ROBO2: variants seen among roughly 807,000 people sequenced by gnomAD.
The protein encoded by ROBO2 is roundabout homolog 2.
ROBO2 carries 53 observed loss-of-function variants against 160.8 expected under a neutral mutation model. The observed-to-expected ratio is 0.33, with a 90% CI of 0.26 to 0.41. The LOEUF (loss-of-function observed/expected upper bound fraction) is 0.41, where lower values mean the gene tolerates loss of function less well. Among genes scored for constraint, ROBO2 ranks in the 10% least tolerant of loss-of-function variants. The pLI is 1.00. For synonymous variants in ROBO2, 664 were observed against 611.7 expected (o/e 1.09, Z -1.26); for missense variants, 1,577 against 1,722.4 (o/e 0.92, Z 1.49).
rs572935190 is a variant in ROBO2 at position 77,557,233 on chromosome 3, A to G, written c.1232-711A>G. Among the ~76,000 whole-genome samples the G allele has an allele frequency of 2.0e-5, 3 of 152,006 alleles. No individual in the cohort carries two copies. The South Asian group carries it at 6.2e-4, about 31-fold the overall frequency. ...TCCAAATGAACACAACAATTGATAT[A>G]CATGTAAACACTGATTTTGCACAAG... On this transcript the variant is annotated intron_variant, in intron 8 of 25. Coordinates refer to ENST00000461745, the Ensembl canonical transcript of ROBO2.
chr3:76,712,304 G>A (rs1291462250), intron 2 of ROBO2, among the ~76,000 whole-genome samples: 3 of 151,908 alleles, frequency 2.0e-5, no homozygotes, highest in Non-Finnish European at 2.9e-5. Flanking sequence ...TTTTAGTGAA[G>A]AAAATTCATT....
At chr3:77,376,629 A>G (rs893155590) in intron 2 of ROBO2, among the ~76,000 whole-genome samples, 6 of 152,122 alleles carry the variant, frequency 3.9e-5, no homozygotes, top group African/African-American at 1.4e-4. Context: ...GGTTGGTTGC[A>G]TATCCTTCTT....
chr3:76,360,701 T>G (rs1056872440), intron 2 of ROBO2, among the ~76,000 whole-genome samples: 1 of 152,094 alleles, frequency 6.6e-6, no homozygotes, highest in African/African-American at 2.4e-5. Flanking sequence ...GATCTAGTTC[T>G]GGTCAACGGG....
chr3:76,871,937 C>T (rs2072141309), intron 2 of ROBO2, among the ~76,000 whole-genome samples: 1 of 152,176 alleles, frequency 6.6e-6, no homozygotes, highest in Admixed American at 6.5e-5. Context: ...GGCTGCAACT[C>T]AGCAGTAAGT....
At chr3:77,303,264 A>T (rs1027974443) in intron 2 of ROBO2, among the ~76,000 whole-genome samples, 1 of 152,212 alleles carries the variant, frequency 6.6e-6, no homozygotes, top group Non-Finnish European at 1.5e-5. Flanking sequence ...AGAATATTTT[A>T]TATTTAAGTA....
intron 2 of ROBO2, among the ~76,000 whole-genome samples, chr3:76,026,897 C>T (rs2066765217): frequency 6.6e-6 from 1 of 151,804 alleles, no homozygotes; most frequent in African/African-American, 2.4e-5. Context: ...TTTGGACTGC[C>T]TCGAGAGGTC....
At chr3:77,339,652 T>A (rs920675677) in intron 2 of ROBO2, among the ~76,000 whole-genome samples, 1 of 151,922 alleles carries the variant, frequency 6.6e-6, no homozygotes, top group African/African-American at 2.4e-5. Context: ...CATTTTCAGA[T>A]CTCCAAAAAG....
At chr3:77,099,610 C>T (rs989114541) in intron 2 of ROBO2, among the ~76,000 whole-genome samples, 1 of 152,132 alleles carries the variant, frequency 6.6e-6, no homozygotes, top group Non-Finnish European at 1.5e-5. Flanking sequence ...GAAATACACA[C>T]ACAAAAATTC....
At chr3:76,964,021 A>G (rs1399147499) in intron 2 of ROBO2, among the ~76,000 whole-genome samples, 1 of 152,168 alleles carries the variant, frequency 6.6e-6, no homozygotes, top group Non-Finnish European at 1.5e-5. Context: ...CACTTCTCTC[A>G]GAGTGAAAAG....
In ROBO2 at chr3:76,396,425, C is replaced by G. The variant is rs1333439431; in HGVS notation, c.109+458823C>G. Among the ~76,000 whole-genome samples the G allele has an allele frequency of 2.6e-5, 4 of 152,204 alleles. No individual in the cohort carries two copies. In the East Asian group the frequency reaches 7.7e-4, roughly 29 times the overall value. ...TGAAAACTGGCACAAGACAGGGATG[C>G]CCTCTCTCACCACTCCTATTCAACA... On this transcript the variant is annotated intron_variant, in intron 2 of 26. Coordinates refer to the ROBO2 transcript ENST00000487694.
At chr3:76,413,003 A>C (rs2075574383) in intron 2 of ROBO2, among the ~76,000 whole-genome samples, 1 of 152,208 alleles carries the variant, frequency 6.6e-6, no homozygotes, top group Non-Finnish European at 1.5e-5. Flanking sequence ...AGAAGTTCCC[A>C]AACCTCAGTT....
intron 2 of ROBO2, among the ~76,000 whole-genome samples, chr3:76,438,804 T>G (rs2109090900): frequency 6.6e-6 from 1 of 152,190 alleles, no homozygotes; most frequent in Admixed American, 6.6e-5. Context: ...TTTATTTAAA[T>G]ATATACATTC....
chr3:76,067,687 T>G (rs72892653), intron 2 of ROBO2, among the ~76,000 whole-genome samples: 4,072 of 152,246 alleles, frequency 0.027, 203 homozygotes, highest in African/African-American at 0.093. Context: ...GTATTTTTTT[T>G]GTAAACTTTC....
intron 2 of ROBO2, among the ~76,000 whole-genome samples, chr3:76,014,532 GGCACGA>G (rs1432269071): frequency 2.5e-3 from 41 of 16,444 alleles, no homozygotes; most frequent in African/African-American, 4.6e-3. Context: ...TTGGTGACTG[GGCACGA>G]TGGCTTGTGC....
intron 2 of ROBO2, among the ~76,000 whole-genome samples, chr3:76,829,046 C>T (rs559946842): frequency 5.9e-5 from 9 of 152,064 alleles, no homozygotes; most frequent in African/African-American, 1.4e-4. Context: ...CTTTACAGTT[C>T]AGCATCTTCC....
rs564050157 is a variant in ROBO2 at position 76,460,195 on chromosome 3, TAA to T, written c.109+522594_109+522595del. On this transcript the variant is annotated intron_variant, in intron 2 of 26. Coordinates refer to the ROBO2 transcript ENST00000487694. ...CACTTTGTGCCAAAAATATAATGGA[TAA>T]TTTACCCCAAGATTTAACTTACCAA... Among the ~76,000 whole-genome samples the T allele has an allele frequency of 2.0e-4, 30 of 151,984 alleles. No individual in the cohort carries two copies. The South Asian group carries it at 3.7e-3, about 19-fold the overall frequency.
At chr3:77,016,528 T>G (rs1479811215) in intron 2 of ROBO2, among the ~76,000 whole-genome samples, 1 of 152,194 alleles carries the variant, frequency 6.6e-6, no homozygotes, top group Admixed American at 6.5e-5. Flanking sequence ...ACAATGTTAG[T>G]AGCAATAGTT....
intron 5 of ROBO2, among the ~76,000 whole-genome samples, chr3:77,511,166 A>G (rs1175216119): frequency 2.0e-5 from 3 of 152,028 alleles, no homozygotes; most frequent in African/African-American, 4.8e-5. Flanking sequence ...AAAAACAACG[A>G]GCTGGGAACT....
chr3:75,942,974 A>G lies in ROBO2; in HGVS notation c.109+5372A>G, dbSNP rs1182880000. Reference sequence around the variant, plus strand: ...TAAGAGACGTGTATGCTGTATATCTACTAGCAGAGATTTGTTTTTGAGTGC... The same window carrying G: ...TAAGAGACGTGTATGCTGTATATCTGCTAGCAGAGATTTGTTTTTGAGTGC... On this transcript the variant is annotated intron_variant, in intron 2 of 26. Transcript: ENST00000487694. 4.0e-5 allele frequency among the ~76,000 whole-genome samples: 6 copies of G among 151,534 alleles called. No individual in the cohort carries two copies. The East Asian group carries it at 1.2e-3, about 30-fold the overall frequency.
Sources: allele counts gnomAD v4.1 joint callset (sites outside exome capture counted in the v4.1 genomes callset), GRCh38; gene constraint gnomAD v4.1.1; transcripts MANE v1.5; gene names NCBI Gene and HGNC (gene_info 2026-07-23, HGNC 2026-07-21).